KANSL1: variants seen among roughly 807,000 people sequenced by gnomAD.
The protein encoded by KANSL1 is MLL1/MLL complex subunit KANSL1.
In KANSL1, 22 loss-of-function variants were observed where a neutral mutation model predicts 103.6. The observed-to-expected ratio is 0.21, with a 90% CI of 0.15 to 0.30. The LOEUF (loss-of-function observed/expected upper bound fraction) is 0.30. KANSL1 is among the 10% of genes least tolerant of loss of function. The pLI, the probability that KANSL1 is intolerant of heterozygous loss-of-function variation, is 1.00. For synonymous variants in KANSL1, 600 were observed against 527.6 expected, an observed-to-expected ratio of 1.14 and a Z score of -1.88; for missense variants, 1,337 against 1,399.8, an observed-to-expected ratio of 0.96 and a Z score of 0.72.
intron 4 of KANSL1, among the ~76,000 whole-genome samples, chr17:46,081,459 CTTTAA>C (rs1363496236): frequency 6.6e-6 from 1 of 152,182 alleles, no homozygotes; most frequent in Non-Finnish European, 1.5e-5. Flanking sequence ...GCATTCTGCT[CTTTAA>C]TTTATTCAAA....
At chr17:46,125,020 A>AGGGG (rs1408124221) in intron 2 of KANSL1, among the ~76,000 whole-genome samples, 1 of 122,638 alleles carries the variant, frequency 8.2e-6, no homozygotes, top group Non-Finnish European at 1.8e-5. Flanking sequence ...AAGGGAAGGG[A>AGGGG]AGGGAGGGGA....
intron 1 of KANSL1, among the ~76,000 whole-genome samples, chr17:46,203,259 C>T (rs2047863646): frequency 6.6e-6 from 1 of 152,120 alleles, no homozygotes; most frequent in Admixed American, 6.6e-5. Context: ...GAAAGAAATC[C>T]TTCAGCACAG....
chr17:46,106,264 C>T, intron 2 of KANSL1, among the ~76,000 whole-genome samples: 1 of 152,344 alleles, frequency 6.6e-6, no homozygotes, highest in South Asian at 2.1e-4. Flanking sequence ...TTCCAACGCA[C>T]AATCTCCAGG....
chr17:46,222,080 C>A (rs1452481410), intron 1 of KANSL1: 2 of 147,372 alleles, frequency 1.4e-5, no homozygotes, highest in African/African-American at 4.9e-5. Flanking sequence ...TCCCACTGAG[C>A]AAAGGATTGG....
At chr17:46,083,780 T>C (rs55987700) in intron 3 of KANSL1, among the ~76,000 whole-genome samples, 3 of 152,020 alleles carry the variant, frequency 2.0e-5, no homozygotes, top group Non-Finnish European at 2.9e-5. Context: ...CTTGATTAGT[T>C]TGGGCTCAAA....
At chr17:46,145,477 G>C (rs1009797294) in intron 2 of KANSL1, among the ~76,000 whole-genome samples, 18 of 152,230 alleles carry the variant, frequency 1.2e-4, no homozygotes, top group Non-Finnish European at 1.5e-4. Flanking sequence ...GAGCTATCTA[G>C]AACAGTTATC....
At position 46,031,300 on chromosome 17, in the gene KANSL1, AAAAAC is replaced by A. The variant is rs2076999419; in HGVS notation, c.*171_*175del. 1.4e-6 allele frequency: 1 copy of A among 699,540 alleles called. No individual in the cohort carries two copies. Among genetic ancestry groups the A allele is most frequent in the Non-Finnish European group, 2.3e-6 (1 of 428,948 alleles). The allele number at this position is 699,540 out of a possible 1,614,324, so 43.3% of individuals were successfully genotyped here. ...GTGTGTGACAAGAAAACATGGAAAC[AAAAAC>A]AAAACAAAAATTAAAACAAGAAAAA... On this transcript the variant is annotated 3_prime_UTR_variant, in exon 15 of 15. Coordinates refer to ENST00000432791, the MANE Select transcript of KANSL1 (RefSeq NM_015443.4).
At chr17:46,219,978 C>T (rs1229446850) in intron 1 of KANSL1, among the ~76,000 whole-genome samples, 5 of 151,962 alleles carry the variant, frequency 3.3e-5, no homozygotes, top group Admixed American at 2.0e-4. Flanking sequence ...TGGCGGGCGC[C>T]TGTGGTCCCA....
At chr17:46,140,599 A>G (rs1295886214) in intron 2 of KANSL1, among the ~76,000 whole-genome samples, 2 of 152,244 alleles carry the variant, frequency 1.3e-5, no homozygotes, top group Admixed American at 6.5e-5. Context: ...GAAAATGAGA[A>G]TACAATCCAC....
Position 46,218,267 on chromosome 17 carries a change from G to A in KANSL1, c.-90+5404C>T, listed in dbSNP as rs191685667. ...GCAAACAGATGTCATAAGAAAATTC[G>A]CAGCTCAGGTTTACTAAGTACCTAC... On this transcript the variant is annotated intron_variant, in intron 1 of 14. Transcript: ENST00000572904. Among the ~76,000 whole-genome samples the A allele has an allele frequency of 8.7e-3, 1,322 of 152,304 alleles. 21 individuals are homozygous for A. Among genetic ancestry groups the A allele is most frequent in the Non-Finnish European group, 8.1e-3 (548 of 68,032 alleles).
At chr17:46,152,086 A>C (rs1182675297) in intron 2 of KANSL1, among the ~76,000 whole-genome samples, 1 of 152,260 alleles carries the variant, frequency 6.6e-6, no homozygotes, top group Non-Finnish European at 1.5e-5. Context: ...GAACACAACA[A>C]ATGTTAACTG....
At chr17:46,087,411 C>T (rs894192731) in intron 3 of KANSL1, among the ~76,000 whole-genome samples, 1 of 152,104 alleles carries the variant, frequency 6.6e-6, no homozygotes, top group African/African-American at 2.4e-5. Context: ...TAAAAAGAGG[C>T]TGAGCAAATA....
intron 13 of KANSL1, 32 bp from the exon 14 acceptor site, chr17:46,032,331 T>G: frequency 6.7e-7 from 1 of 1,490,760 alleles, no homozygotes; most frequent in Non-Finnish European, 8.9e-7. Flanking sequence ...TCTGAGTGCC[T>G]GGGAAATGTT....
chr17:46,079,947 A>C (rs1465247506), intron 4 of KANSL1, among the ~76,000 whole-genome samples: 1 of 152,110 alleles, frequency 6.6e-6, no homozygotes, highest in East Asian at 1.9e-4. Context: ...ACTGCACTCC[A>C]GCCTGGGTGA....
intron 1 of KANSL1, among the ~76,000 whole-genome samples, chr17:46,190,177 TG>T (rs2147906993): frequency 6.6e-6 from 1 of 152,364 alleles, no homozygotes; most frequent in African/African-American, 2.4e-5. Context: ...TTACTAGAGA[TG>T]GAAGAGTAGC....
At chr17:46,169,012 T>C (rs1278372096) in intron 2 of KANSL1, among the ~76,000 whole-genome samples, 1 of 152,258 alleles carries the variant, frequency 6.6e-6, no homozygotes, top group Non-Finnish European at 1.5e-5. Context: ...AGAAATGTTT[T>C]CAATGCAACG....
intron 1 of KANSL1, among the ~76,000 whole-genome samples, chr17:46,201,732 G>A (rs1225446818): frequency 6.6e-6 from 1 of 150,744 alleles, no homozygotes; most frequent in African/African-American, 2.4e-5. Context: ...ATTAAGTCCA[G>A]GTACAGTGGC....
At chr17:46,142,282 T>C (rs1401072334) in intron 2 of KANSL1, among the ~76,000 whole-genome samples, 1 of 152,204 alleles carries the variant, frequency 6.6e-6, no homozygotes, top group Non-Finnish European at 1.5e-5. Context: ...TCCAATATTT[T>C]TACCAAAGGA....
intron 7 of KANSL1, chr17:46,044,380 CT>C (rs1334614019): frequency 2.0e-5 from 3 of 152,234 alleles, no homozygotes; most frequent in Admixed American, 6.5e-5. Context: ...ACCTGGCTGT[CT>C]GGCTCCTTAC....
Sources: allele counts gnomAD v4.1 joint callset (sites outside exome capture counted in the v4.1 genomes callset), GRCh38; gene constraint gnomAD v4.1.1; transcripts MANE v1.5; gene names NCBI Gene and HGNC (gene_info 2026-07-23, HGNC 2026-07-21).